Variants in PCSK2 observed in about 807,000 individuals in gnomAD.
PCSK2 encodes the protein proprotein convertase subtilisin/kexin type 2.
Under a neutral mutation model 69.7 loss-of-function variants are expected in PCSK2, and 14 were observed. That is an observed-to-expected ratio of 0.20 (90% confidence interval 0.13 to 0.31). PCSK2 has a LOEUF of 0.31. Ranked by LOEUF, PCSK2 falls within the 10% of genes least tolerant of loss-of-function variation. PCSK2 has a pLI of 1.00. For synonymous variants in PCSK2, 307 were observed against 320.7 expected (o/e 0.96, Z 0.46); for missense variants, 544 against 842.5 (o/e 0.65, Z 4.39).
intron 5 of PCSK2, among the ~76,000 whole-genome samples, chr20:17,407,028 T>C (rs201927): frequency 1.1e-4 from 16 of 152,278 alleles, no homozygotes; most frequent in South Asian, 2.1e-4. Flanking sequence ...CTTATTGTCC[T>C]GACCACCCGA....
At chr20:17,450,230 G>A (rs1189533367) in intron 8 of PCSK2, among the ~76,000 whole-genome samples, 1 of 151,574 alleles carries the variant, frequency 6.6e-6, no homozygotes, top group African/African-American at 2.4e-5. Context: ...GGGTTTCACT[G>A]TGTTAGCCAG....
At chr20:17,430,782 A>G (rs2032347948) in intron 7 of PCSK2, among the ~76,000 whole-genome samples, 1 of 152,132 alleles carries the variant, frequency 6.6e-6, no homozygotes. Context: ...TTCTCTACTC[A>G]CAGGACAGAA....
intron 8 of PCSK2, among the ~76,000 whole-genome samples, chr20:17,449,676 C>T (rs1440298320): frequency 6.6e-6 from 1 of 151,762 alleles, no homozygotes; most frequent in Non-Finnish European, 1.5e-5. Context: ...TACAGGCATG[C>T]ACCACCACGC....
intron 2 of PCSK2, among the ~76,000 whole-genome samples, chr20:17,268,083 A>T (rs6034789): frequency 7.1e-6 from 1 of 140,638 alleles, no homozygotes; most frequent in Non-Finnish European, 1.5e-5. Context: ...TATAGCCTCT[A>T]TTATATCTTC....
intron 5 of PCSK2, among the ~76,000 whole-genome samples, chr20:17,399,015 G>T (rs1040167673): frequency 1.3e-5 from 2 of 152,128 alleles, no homozygotes; most frequent in African/African-American, 4.8e-5. Context: ...TACAATGGGG[G>T]CAAACAGTTG....
intron 1 of PCSK2, among the ~76,000 whole-genome samples, chr20:17,234,944 A>G (rs7268442): frequency 0.028 from 4,189 of 152,256 alleles, 173 homozygotes; most frequent in African/African-American, 0.094. Context: ...TAATCACGGG[A>G]CAGCTCAAAA....
chr20:17,402,660 C>A (rs76981218), intron 5 of PCSK2, among the ~76,000 whole-genome samples: 117 of 113,018 alleles, frequency 1.0e-3, no homozygotes, highest in Admixed American at 1.3e-3. Context: ...GACTCTGTCT[C>A]AAAAAAAAAA....
intron 8 of PCSK2, among the ~76,000 whole-genome samples, chr20:17,448,083 CTT>C (rs1231316906): frequency 6.6e-6 from 1 of 152,194 alleles, no homozygotes; most frequent in Non-Finnish European, 1.5e-5. Flanking sequence ...AATACAATAA[CTT>C]TTTCCAAGGT....
intron 6 of PCSK2, among the ~76,000 whole-genome samples, chr20:17,428,817 G>A (rs1274186176): frequency 6.6e-6 from 1 of 151,428 alleles, no homozygotes; most frequent in Non-Finnish European, 1.5e-5. Context: ...TGGGCAACAT[G>A]GGAAACCCCC....
chr20:17,268,351 G>C (rs750884997), intron 2 of PCSK2, among the ~76,000 whole-genome samples: 1 of 152,128 alleles, frequency 6.6e-6, no homozygotes, highest in East Asian at 1.9e-4. Flanking sequence ...AAAATGCTAT[G>C]AGAATGAGTA....
intron 6 of PCSK2, among the ~76,000 whole-genome samples, chr20:17,417,111 C>T (rs1048233490): frequency 1.3e-5 from 2 of 152,158 alleles, no homozygotes; most frequent in African/African-American, 4.8e-5. Flanking sequence ...CAACATGGCA[C>T]ATGTATACCT....
Position 17,358,341 on chromosome 20 carries a change from G to A in PCSK2, c.297G>A (p.Leu99=). 1 of 1,602,906 alleles carries A rather than the reference G, an allele frequency of 6.2e-7. No individual in the cohort carries two copies. The highest frequency in any genetic ancestry group is 8.5e-7 in the Non-Finnish European group (1 of 1,169,892). The change falls in exon 3 of 12, where the codon TTG becomes TTA. Residue 99 remains leucine, a synonymous_variant. Transcript: ENST00000262545. ...LERDPRVKMA[L]QQEGFDRKKR... ...TGTCATTCCAGGTAAAGATGGCTTT[G>A]CAGCAGGAAGGATTTGACCGAAAAA...
chr20:17,432,331 C>T (rs907940868), intron 7 of PCSK2, among the ~76,000 whole-genome samples: 2 of 152,084 alleles, frequency 1.3e-5, no homozygotes, highest in African/African-American at 4.8e-5. Context: ...TCTTCGCGTC[C>T]GTCTTCATTT....
chr20:17,451,065 A>G (rs192083504), intron 8 of PCSK2, among the ~76,000 whole-genome samples: 12 of 152,304 alleles, frequency 7.9e-5, no homozygotes, highest in African/African-American at 1.9e-4. Context: ...CTAAAACCCA[A>G]TCACCAGAAG....
intron 2 of PCSK2, among the ~76,000 whole-genome samples, chr20:17,335,483 G>T (rs570456030): frequency 8.4e-6 from 1 of 118,884 alleles, no homozygotes; most frequent in Non-Finnish European, 1.8e-5. Flanking sequence ...GTTTTTATTT[G>T]TTTGCTTGTG....
chr20:17,329,255 C>A (rs1305140774), intron 2 of PCSK2, among the ~76,000 whole-genome samples: 1 of 152,086 alleles, frequency 6.6e-6, no homozygotes. Flanking sequence ...CAGTACATCA[C>A]AATAAGGCAG....
chr20:17,378,644 A>AATGG (rs1371052154), intron 5 of PCSK2, among the ~76,000 whole-genome samples: 7 of 80,442 alleles, frequency 8.7e-5, no homozygotes, highest in African/African-American at 4.1e-4. Flanking sequence ...TGGATGGATG[A>AATGG]ATGGATGGAT....
intron 5 of PCSK2, among the ~76,000 whole-genome samples, chr20:17,384,446 T>C (rs978680972): frequency 1.3e-5 from 1 of 78,418 alleles, no homozygotes. Context: ...AAAAAAAAAA[T>C]ACAAAATTAG....
intron 6 of PCSK2, among the ~76,000 whole-genome samples, chr20:17,415,317 G>A (rs1410657046): frequency 6.6e-6 from 1 of 152,178 alleles, no homozygotes; most frequent in Non-Finnish European, 1.5e-5. Flanking sequence ...TCCTTAAGCT[G>A]AGAAGCAACT....
Sources: gnomAD v4.1 joint callset for allele counts (sites outside exome capture counted in the v4.1 genomes callset) on GRCh38, gnomAD v4.1.1 for gene constraint, MANE v1.5 for transcripts, NCBI Gene and HGNC (gene_info 2026-07-23, HGNC 2026-07-21) for gene names.